PRKCH: variants seen among roughly 807,000 people sequenced by gnomAD.
The protein encoded by PRKCH is protein kinase C eta, also known as protein kinase C eta type.
A neutral mutation model predicts 82.5 loss-of-function variants in PRKCH; 28 were observed. That is an observed-to-expected ratio of 0.34 (90% CI 0.25 to 0.47). The LOEUF (loss-of-function observed/expected upper bound fraction) is 0.47. PRKCH is among the 20% of genes least tolerant of loss of function. The pLI is 1.00. For missense variants in PRKCH, 705 were observed against 881.8 expected, an observed-to-expected ratio of 0.80 and a Z score of 2.54; for synonymous variants, 322 against 327.4, an observed-to-expected ratio of 0.98 and a Z score of 0.18.
chr14:61,189,875 T>A (rs777784085), intron 1 of PRKCH, among the ~76,000 whole-genome samples: 3 of 152,162 alleles, frequency 2.0e-5, no homozygotes, highest in Non-Finnish European at 4.4e-5. Flanking sequence ...ATTTTTTATA[T>A]GGTCTTTGTT....
chr14:61,299,697 C>T (rs1297964161), intron 1 of PRKCH: 1 of 152,182 alleles, frequency 6.6e-6, no homozygotes, highest in Non-Finnish European at 1.5e-5. Flanking sequence ...AACTTGCAAC[C>T]TTTTGCCTTT....
At chr14:61,484,153 G>A (rs193048687) in intron 9 of PRKCH, among the ~76,000 whole-genome samples, 377 of 152,222 alleles carry the variant, frequency 2.5e-3, no homozygotes, top group Non-Finnish European at 4.5e-3. Context: ...CAAGTCGATG[G>A]CACTCATCCT....
At chr14:61,348,293 C>T (rs1426461454) in intron 1 of PRKCH, among the ~76,000 whole-genome samples, 1 of 152,028 alleles carries the variant, frequency 6.6e-6, no homozygotes, top group Non-Finnish European at 1.5e-5. Context: ...TTTTAAAATG[C>T]TCTGGGGGTG....
chr14:61,479,023 G>A (rs12886957), intron 9 of PRKCH, among the ~76,000 whole-genome samples: 117,988 of 152,102 alleles, frequency 0.78, 47,451 homozygotes, highest in Middle Eastern at 0.89. Flanking sequence ...AAGGGCAGGA[G>A]TTGGCCAGCT....
intron 1 of PRKCH, among the ~76,000 whole-genome samples, chr14:61,336,207 A>T (rs2045855555): frequency 6.6e-6 from 1 of 152,204 alleles, no homozygotes; most frequent in African/African-American, 2.4e-5. Context: ...AAGCAGTAAG[A>T]TATTTATTTA....
chr14:61,545,629 A>G (rs1326091721), intron 12 of PRKCH, among the ~76,000 whole-genome samples: 1 of 152,172 alleles, frequency 6.6e-6, no homozygotes, highest in Non-Finnish European at 1.5e-5. Flanking sequence ...AGGCCAAGGT[A>G]TTAAAAACAA....
intron 7 of PRKCH, among the ~76,000 whole-genome samples, chr14:61,454,320 C>G (rs1300618990): frequency 6.6e-6 from 1 of 152,110 alleles, no homozygotes; most frequent in African/African-American, 2.4e-5. Context: ...CCAGGCTGGT[C>G]TCAAACTTCT....
At chr14:61,378,687 T>C (rs1216986402) in intron 1 of PRKCH, among the ~76,000 whole-genome samples, 1 of 152,206 alleles carries the variant, frequency 6.6e-6, no homozygotes, top group East Asian at 1.9e-4. Flanking sequence ...CCAGTTCTGC[T>C]TCCCCCTTGG....
intron 1 of PRKCH, among the ~76,000 whole-genome samples, chr14:61,227,299 A>C (rs1243886384): frequency 2.0e-5 from 3 of 152,208 alleles, no homozygotes; most frequent in Non-Finnish European, 2.9e-5. Flanking sequence ...CCTGCCTCAT[A>C]AGATTGCTGT....
At chr14:61,403,451 T>G (rs946490880) in intron 2 of PRKCH, among the ~76,000 whole-genome samples, 2 of 152,240 alleles carry the variant, frequency 1.3e-5, no homozygotes, top group African/African-American at 4.8e-5. Flanking sequence ...GAAACTTTCT[T>G]TTTGTTTCTG....
At chr14:61,188,089 G>C (rs67398447) in intron 1 of PRKCH, among the ~76,000 whole-genome samples, 1 of 152,058 alleles carries the variant, frequency 6.6e-6, no homozygotes, top group Non-Finnish European at 1.5e-5. Flanking sequence ...GGGAGGATTA[G>C]GTGAGATAAC....
intron 1 of PRKCH, among the ~76,000 whole-genome samples, chr14:61,328,481 G>T (rs2045733641): frequency 6.6e-6 from 1 of 152,092 alleles, no homozygotes; most frequent in South Asian, 2.1e-4. Context: ...CATTTAAAAG[G>T]TTGTGCCTCA....
intron 1 of PRKCH, among the ~76,000 whole-genome samples, chr14:61,191,653 CAA>C (rs59056769): frequency 1.4e-5 from 2 of 145,374 alleles, no homozygotes; most frequent in Admixed American, 6.8e-5. Context: ...AGCCCTGTCT[CAA>C]AAAAAAAAAA....
intron 1 of PRKCH, among the ~76,000 whole-genome samples, chr14:61,384,754 G>A (rs2046561875): frequency 6.6e-6 from 1 of 152,012 alleles, no homozygotes; most frequent in Admixed American, 6.5e-5. Flanking sequence ...TTTCCCGAGT[G>A]GCTGCTGCAA....
In PRKCH at chr14:61,290,156, G is replaced by C. The variant is rs573977621; in HGVS notation, c.-19+102488G>C. ...AAAATACAAAAATTAGTCGGGCGTG[G>C]TTGCGGGCACATGTAGTCCTAGCTA... On this transcript the variant is annotated intron_variant, in intron 1 of 3. Transcript: ENST00000555185. Among the ~76,000 whole-genome samples, 4 of 152,194 alleles carry C rather than the reference G, an allele frequency of 2.6e-5. No individual in the cohort carries two copies. The East Asian group carries it at 7.7e-4, about 29-fold the overall frequency.
chr14:61,550,485 G>A lies in PRKCH; in HGVS notation c.*654G>A, dbSNP rs543074823. On this transcript the variant is annotated 3_prime_UTR_variant, in exon 14 of 14. Coordinates refer to ENST00000332981, the MANE Select transcript of PRKCH (RefSeq NM_006255.5). Reference sequence around the variant, plus strand: ...TATTTATTAAACTGTCCAGTGAAAAGGTGCCACAATGCCCAGTATTGTAAA... The same window carrying A: ...TATTTATTAAACTGTCCAGTGAAAAAGTGCCACAATGCCCAGTATTGTAAA... 1.3e-5 allele frequency: 2 copies of A among 152,550 alleles called. No individual in the cohort carries two copies. The highest frequency in any genetic ancestry group is 2.9e-5 in the Non-Finnish European group (2 of 68,030). 9.4% of individuals were successfully genotyped at this position (152,550 alleles called of 1,614,324 possible). A position where few individuals can be genotyped will look rare whatever the true frequency, so the allele number is the denominator to read the frequency against.
At chr14:61,488,920 G>C (rs552030963) in intron 10 of PRKCH, among the ~76,000 whole-genome samples, 77 of 152,320 alleles carry the variant, frequency 5.1e-4, no homozygotes, top group African/African-American at 1.7e-3. Flanking sequence ...TGAATCCCAT[G>C]TTCAGGCTCT....
At chr14:61,459,641 A>G (rs1438876474) in intron 9 of PRKCH, among the ~76,000 whole-genome samples, 1 of 152,168 alleles carries the variant, frequency 6.6e-6, no homozygotes, top group Admixed American at 6.5e-5. Flanking sequence ...TGAAAATCTA[A>G]TTTCTTGCGA....
chr14:61,448,970 A>T (rs1303641644), intron 4 of PRKCH, among the ~76,000 whole-genome samples, 194 bp from the exon 5 acceptor site: 1 of 152,092 alleles, frequency 6.6e-6, no homozygotes, highest in Non-Finnish European at 1.5e-5. Context: ...TTGATAAGGG[A>T]TAGTTTGAGC....
Sources: allele counts gnomAD v4.1 joint callset (sites outside exome capture counted in the v4.1 genomes callset), GRCh38; gene constraint gnomAD v4.1.1; transcripts MANE v1.5; gene names NCBI Gene and HGNC (gene_info 2026-07-23, HGNC 2026-07-21).